The following FANCC variants were observed in gnomAD, a reference collection of about 807,000 sequenced individuals.
The protein encoded by FANCC is FA complementation group C.
Under a neutral mutation model 71.3 loss-of-function variants are expected in FANCC, and 55 were observed. The observed-to-expected ratio is 0.77, with a 90% CI of 0.62 to 0.97. The LOEUF (loss-of-function observed/expected upper bound fraction) is 0.97, where lower values mean the gene tolerates loss of function less well. Ranked by LOEUF, FANCC falls within the 50% of genes least tolerant of loss-of-function variation. FANCC has a pLI of 0.00. For synonymous variants in FANCC, 275 were observed against 244.9 expected (o/e 1.12, Z -1.15); for missense variants, 678 against 670.9 (o/e 1.01, Z -0.12).
chr9:95,168,819 G>A (rs1016938825), intron 6 of FANCC, among the ~76,000 whole-genome samples: 42 of 152,184 alleles, frequency 2.8e-4, no homozygotes, highest in African/African-American at 9.7e-4. Context: ...ATGTGCCACC[G>A]CACCTGGCCT....
chr9:95,196,291 GA>G (rs1278271694), intron 4 of FANCC, among the ~76,000 whole-genome samples: 1 of 151,726 alleles, frequency 6.6e-6, no homozygotes. Context: ...TTTATTGGGA[GA>G]TTTTTTTTTT....
chr9:95,269,884 C>T (rs1588391952), intron 1 of FANCC, among the ~76,000 whole-genome samples: 2 of 151,960 alleles, frequency 1.3e-5, no homozygotes, highest in South Asian at 2.1e-4. Context: ...TAAGGGGACC[C>T]GGGGAACCAG....
chr9:95,223,277 T>A (rs905453343), intron 4 of FANCC, among the ~76,000 whole-genome samples: 17 of 152,286 alleles, frequency 1.1e-4, no homozygotes, highest in African/African-American at 3.8e-4. Context: ...GTGAGGGCTG[T>A]GAGGAAATGC....
intron 4 of FANCC, among the ~76,000 whole-genome samples, chr9:95,187,953 T>C (rs934758511): frequency 1.3e-5 from 2 of 151,330 alleles, no homozygotes. Flanking sequence ...TGAGTAGTTC[T>C]GCCACTCAGT....
At chr9:95,229,864 C>A (rs1829885043) in intron 4 of FANCC, among the ~76,000 whole-genome samples, 1 of 151,392 alleles carries the variant, frequency 6.6e-6, no homozygotes, top group African/African-American at 2.4e-5. Flanking sequence ...CAAAATAAAA[C>A]AAAATTCTGG....
chr9:95,282,259 C>T (rs1482194807), intron 1 of FANCC, among the ~76,000 whole-genome samples: 3 of 152,056 alleles, frequency 2.0e-5, no homozygotes, highest in African/African-American at 4.8e-5. Context: ...AGTGGCTATA[C>T]TTATATCAGA....
intron 4 of FANCC, among the ~76,000 whole-genome samples, chr9:95,234,995 T>G (rs1385134996): frequency 6.6e-6 from 1 of 152,184 alleles, no homozygotes; most frequent in Non-Finnish European, 1.5e-5. Flanking sequence ...GCAATCTGCT[T>G]TACTCAGTCA....
chr9:95,217,342 G>A (rs1028677696), intron 4 of FANCC, among the ~76,000 whole-genome samples: 3 of 151,842 alleles, frequency 2.0e-5, no homozygotes, highest in Non-Finnish European at 2.9e-5. Flanking sequence ...AACATTAGCC[G>A]GGTGTGGTGG....
At chr9:95,258,686 C>T (rs1006931886) in intron 1 of FANCC, among the ~76,000 whole-genome samples, 8 of 152,128 alleles carry the variant, frequency 5.3e-5, no homozygotes, top group African/African-American at 1.9e-4. Flanking sequence ...GAAATTCTGG[C>T]CAGGGCAATC....
At chr9:95,112,703 A>G (rs1433974828) in intron 12 of FANCC, among the ~76,000 whole-genome samples, 1 of 152,214 alleles carries the variant, frequency 6.6e-6, no homozygotes, top group African/African-American at 2.4e-5. Flanking sequence ...CCAGGTTGGC[A>G]GCGTGACTGG....
intron 1 of FANCC, among the ~76,000 whole-genome samples, chr9:95,275,456 CAA>C (rs1476368670): frequency 2.0e-5 from 3 of 152,030 alleles, no homozygotes; most frequent in Non-Finnish European, 4.4e-5. Context: ...ATAGAATGTA[CAA>C]CACCAAGAGT....
rs767996832 is a variant in FANCC, at chr9:95,107,128, G to C, written c.1471C>G (p.Leu491Val). The change falls in exon 14 of 15, where the codon CTC becomes GTC. Residue 491 changes from leucine to valine, a missense_variant. Transcript: ENST00000289081. Reference sequence around the variant, plus strand: ...GGAGCCCAGAGCAGGAAGTTGAGGAGAAGGTGCCTGATCAGCTGTTGTGCA... The same window carrying C: ...GGAGCCCAGAGCAGGAAGTTGAGGACAAGGTGCCTGATCAGCTGTTGTGCA... Reference protein sequence around the residue: ...APAQQLIRHLLLNFLLWAPGG... With the variant: ...APAQQLIRHLVLNFLLWAPGG... 6.2e-6 allele frequency: 10 copies of C among 1,614,118 alleles called. No individual in the cohort carries two copies. The African/African-American group carries it at 6.7e-5, about 11-fold the overall frequency.
chr9:95,271,975 C>T (rs113243853), intron 1 of FANCC, among the ~76,000 whole-genome samples: 9 of 97,384 alleles, frequency 9.2e-5, no homozygotes, highest in Admixed American at 4.7e-4. Context: ...CTCGCTCTGT[C>T]GCCCAGGCTG....
intron 10 of FANCC, among the ~76,000 whole-genome samples, chr9:95,119,323 T>A (rs2072681832): frequency 6.6e-6 from 1 of 151,922 alleles, no homozygotes; most frequent in African/African-American, 2.4e-5. Flanking sequence ...TATTTTCTCC[T>A]AGCTAACGGC....
intron 1 of FANCC, among the ~76,000 whole-genome samples, chr9:95,313,919 G>C (rs188934895): frequency 1.3e-5 from 2 of 152,260 alleles, no homozygotes; most frequent in East Asian, 3.9e-4. Context: ...TCTAGTAACA[G>C]AAGGAAAATC....
At chr9:95,310,007 G>A (rs1480375192) in intron 1 of FANCC, among the ~76,000 whole-genome samples, 1 of 152,102 alleles carries the variant, frequency 6.6e-6, no homozygotes. Flanking sequence ...GAAATGTGAG[G>A]GAAGATCTAA....
At chr9:95,105,029 A>T (rs966367028) in intron 14 of FANCC, among the ~76,000 whole-genome samples, 6 of 152,222 alleles carry the variant, frequency 3.9e-5, no homozygotes, top group Non-Finnish European at 8.8e-5. Flanking sequence ...TTATAAGAGT[A>T]CACAATAGAT....
intron 4 of FANCC, among the ~76,000 whole-genome samples, chr9:95,220,792 C>T (rs1166680009): frequency 6.6e-6 from 1 of 152,034 alleles, no homozygotes. Flanking sequence ...GGGTGCAGCA[C>T]ACCAACATGG....
chr9:95,204,781 A>G (rs1373071893), intron 4 of FANCC, among the ~76,000 whole-genome samples: 1 of 152,200 alleles, frequency 6.6e-6, no homozygotes. Flanking sequence ...AGTTAAATTC[A>G]GCATCCTTAA....
Sources: allele counts gnomAD v4.1 joint callset (sites outside exome capture counted in the v4.1 genomes callset), GRCh38; gene constraint gnomAD v4.1.1; transcripts MANE v1.5; gene names NCBI Gene and HGNC (gene_info 2026-07-23, HGNC 2026-07-21).